Variants in EYA2 observed in about 807,000 individuals in gnomAD.
The protein encoded by EYA2 is EYA transcriptional coactivator and phosphatase 2.
In EYA2, 31 loss-of-function variants were observed where a neutral mutation model predicts 69.2. That is an observed-to-expected ratio of 0.45 (90% CI 0.34 to 0.60). EYA2 has a LOEUF of 0.60. Ranked by LOEUF, EYA2 falls within the 20% of genes least tolerant of loss-of-function variation. The probability of loss-of-function intolerance (pLI) is 0.02; values close to 1 mark genes in which losing one functional copy is unlikely to be tolerated. For synonymous variants in EYA2, 257 were observed against 279.4 expected, an observed-to-expected ratio of 0.92 and a Z score of 0.80; for missense variants, 622 against 701.2, an observed-to-expected ratio of 0.89 and a Z score of 1.28.
At chr20:46,986,483 A>C (rs112583358) in intron 1 of EYA2, among the ~76,000 whole-genome samples, 123 of 75,816 alleles carry the variant, frequency 1.6e-3, no homozygotes, top group African/African-American at 4.6e-3. Flanking sequence ...AGATATATAT[A>C]TCTCTCTCCA....
chr20:47,030,738 T>C (rs1984361979), intron 5 of EYA2, among the ~76,000 whole-genome samples: 1 of 79,532 alleles, frequency 1.3e-5, no homozygotes, highest in South Asian at 5.4e-4. Context: ...CTCTTTGGGT[T>C]CACAGAGAGA....
chr20:47,074,015 C>T, intron 6 of EYA2, 143 bp from the exon 7 acceptor site: 1 of 772,970 alleles, frequency 1.3e-6, no homozygotes, highest in Non-Finnish European at 1.9e-6. Flanking sequence ...CCGGGGTCTG[C>T]TTCTGGGAAA....
At position 47,056,458 on chromosome 20, in the gene EYA2, G is replaced by A. The variant is rs548788276; in HGVS notation, c.416-15727G>A. 3.9e-4 allele frequency among the ~76,000 whole-genome samples: 59 copies of A among 151,892 alleles called. 1 individual carries two copies. In the South Asian group the frequency reaches 0.012, roughly 31 times the overall value. ...AATGCTAGCACTTTTGACATCTTCA[G>A]TGGTGATTATGAAGACACAAAAAAT... On this transcript the variant is annotated intron_variant, in intron 5 of 15. Coordinates refer to ENST00000327619, the MANE Select transcript of EYA2 (RefSeq NM_005244.5).
intron 5 of EYA2, 84 bp from the exon 6 acceptor site, chr20:47,072,101 G>C (rs2031333893): frequency 8.2e-7 from 1 of 1,215,558 alleles, no homozygotes; most frequent in Non-Finnish European, 1.2e-6. Context: ...CACATGGAGG[G>C]AGGTTCATGA....
intron 1 of EYA2, among the ~76,000 whole-genome samples, chr20:46,931,062 C>A (rs1985648052): frequency 1.3e-5 from 2 of 152,164 alleles, no homozygotes. Context: ...AAACTCACCT[C>A]CAATTGAGAA....
At chr20:47,027,759 G>A (rs879003366) in intron 5 of EYA2, among the ~76,000 whole-genome samples, 2 of 152,208 alleles carry the variant, frequency 1.3e-5, no homozygotes, top group Admixed American at 1.3e-4. Context: ...CTGAGTGGCT[G>A]TGCAACGTGA....
At chr20:47,131,627 A>G (rs1264861099) in intron 9 of EYA2, among the ~76,000 whole-genome samples, 3 of 152,090 alleles carry the variant, frequency 2.0e-5, no homozygotes, top group Non-Finnish European at 2.9e-5. Flanking sequence ...GCGGTAGGAG[A>G]TGTGAGGCCA....
At chr20:47,052,525 G>T (rs1291939010) in intron 5 of EYA2, among the ~76,000 whole-genome samples, 1 of 152,254 alleles carries the variant, frequency 6.6e-6, no homozygotes, top group Non-Finnish European at 1.5e-5. Flanking sequence ...AATGTTTGGG[G>T]CTTGAGAGTG....
chr20:47,107,546 G>GA (rs2032622291), intron 9 of EYA2, among the ~76,000 whole-genome samples: 2 of 134,850 alleles, frequency 1.5e-5, no homozygotes, highest in African/African-American at 5.6e-5. Context: ...AAAAAAGAAA[G>GA]AAAGAAATGC....
At chr20:47,031,327 C>T (rs919333024) in intron 5 of EYA2, among the ~76,000 whole-genome samples, 5 of 152,006 alleles carry the variant, frequency 3.3e-5, no homozygotes, top group Admixed American at 6.5e-5. Context: ...GCTCAGGCAC[C>T]GGGAAGCCAT....
chr20:47,015,722 T>A (rs1247658524), intron 4 of EYA2, among the ~76,000 whole-genome samples: 1 of 152,176 alleles, frequency 6.6e-6, no homozygotes, highest in Admixed American at 6.5e-5. Context: ...CCTTCCCCAC[T>A]TTTGATAGGG....
intron 9 of EYA2, among the ~76,000 whole-genome samples, chr20:47,117,834 C>T (rs1463568622): frequency 2.0e-5 from 3 of 152,114 alleles, no homozygotes; most frequent in Non-Finnish European, 2.9e-5. Flanking sequence ...TCATTTCTGC[C>T]GTTCATACAG....
intron 1 of EYA2, chr20:46,978,565 G>A (rs1980606652): frequency 1.9e-6 from 1 of 534,694 alleles, no homozygotes; most frequent in Non-Finnish European, 3.8e-6. Context: ...GCCAGATCAA[G>A]GCTGTGTTCG....
At chr20:47,056,562 C>T (rs2030621514) in intron 5 of EYA2, among the ~76,000 whole-genome samples, 1 of 152,136 alleles carries the variant, frequency 6.6e-6, no homozygotes, top group Non-Finnish European at 1.5e-5. Flanking sequence ...CACAGAACCA[C>T]CACATAAGCC....
In EYA2 at chr20:46,967,114, C is replaced by T. The variant is rs539471675; in HGVS notation, c.-10-22887C>T. ...GTTCAAGTGATTCTCGTGCCTCAGA[C>T]ACCCAAGTAGCTGGGACTACAGGCA... On this transcript the variant is annotated intron_variant, in intron 1 of 15. Coordinates refer to ENST00000327619, the MANE Select transcript of EYA2 (RefSeq NM_005244.5). Among the ~76,000 whole-genome samples, 175 of 152,348 alleles carry T rather than the reference C, an allele frequency of 1.1e-3. 1 individual carries two copies. Among genetic ancestry groups the T allele is most frequent in the African/African-American group, 4.0e-3 (167 of 41,586 alleles).
chr20:47,047,011 A>G (rs961680904), intron 5 of EYA2, among the ~76,000 whole-genome samples: 18 of 152,240 alleles, frequency 1.2e-4, no homozygotes, highest in African/African-American at 4.1e-4. Flanking sequence ...GAAGACAAAA[A>G]TAAGATCAGA....
chr20:47,034,102 T>C (rs542528818), intron 5 of EYA2, among the ~76,000 whole-genome samples: 1 of 152,354 alleles, frequency 6.6e-6, no homozygotes, highest in East Asian at 1.9e-4. Context: ...AAATACTTCT[T>C]TTTAACAAGA....
At chr20:46,919,765 G>A (rs939286958) in intron 1 of EYA2, among the ~76,000 whole-genome samples, 4 of 152,198 alleles carry the variant, frequency 2.6e-5, no homozygotes, top group African/African-American at 2.4e-5. Flanking sequence ...CTAAACATTT[G>A]TTGCAAGAGG....
At chr20:46,985,302 G>A (rs1981111297) in intron 1 of EYA2, among the ~76,000 whole-genome samples, 1 of 152,150 alleles carries the variant, frequency 6.6e-6, no homozygotes, top group African/African-American at 2.4e-5. Flanking sequence ...GTGCTGTGGA[G>A]GAAATAAAGA....
Sources: allele counts gnomAD v4.1 joint callset (sites outside exome capture counted in the v4.1 genomes callset), GRCh38; gene constraint gnomAD v4.1.1; transcripts MANE v1.5; gene names NCBI Gene and HGNC (gene_info 2026-07-23, HGNC 2026-07-21).